Variants in TTLL11 observed in about 807,000 individuals in gnomAD.
TTLL11 encodes the protein tubulin polyglutamylase TTLL11.
TTLL11 carries 42 observed loss-of-function variants against 51.7 expected under a neutral mutation model. The observed-to-expected ratio is 0.81, with a 90% CI of 0.64 to 1.05. TTLL11 has a LOEUF of 1.05. TTLL11 is among the 50% of genes least tolerant of loss of function. The pLI is 0.00. For missense variants in TTLL11, 799 were observed against 940.4 expected (o/e 0.85, Z 1.97); for synonymous variants, 381 against 383.5 (o/e 0.99, Z 0.08).
At chr9:122,083,551 C>T (rs1303427645) in intron 1 of TTLL11, among the ~76,000 whole-genome samples, 2 of 152,200 alleles carry the variant, frequency 1.3e-5, no homozygotes, top group African/African-American at 4.8e-5. Flanking sequence ...GTGGCTCACA[C>T]CTGTAATTCC....
chr9:121,941,811 C>T (rs1045822761), intron 6 of TTLL11, among the ~76,000 whole-genome samples: 11 of 152,166 alleles, frequency 7.2e-5, no homozygotes, highest in African/African-American at 2.7e-4. Context: ...TGTTCCCTGC[C>T]TCTGCCCAGT....
At chr9:122,057,226 T>A (rs2131861679) in intron 1 of TTLL11, among the ~76,000 whole-genome samples, 1 of 151,458 alleles carries the variant, frequency 6.6e-6, no homozygotes. Flanking sequence ...CTCCTAAACC[T>A]CCAGTAAGAA....
At position 121,892,189 on chromosome 9, in the gene TTLL11, TATATATACATATATAC is replaced by T. The variant is rs139817730; in HGVS notation, c.1482-21457_1482-21442del. 1.4e-3 allele frequency among the ~76,000 whole-genome samples: 209 copies of T among 145,178 alleles called. 1 individual carries two copies. The highest frequency in any genetic ancestry group is 4.9e-3 in the African/African-American group (193 of 39,570). ...ACACAGATATATATATACACACACA[TATATATACATATATAC>T]ATATATACATATATATATATAATCT... On this transcript the variant is annotated intron_variant, in intron 6 of 8. Coordinates refer to ENST00000321582, the MANE Select transcript of TTLL11 (RefSeq NM_001139442.2).
intron 6 of TTLL11, among the ~76,000 whole-genome samples, chr9:121,915,426 AAGTT>A (rs1397478274): frequency 6.6e-6 from 1 of 152,154 alleles, no homozygotes; most frequent in African/African-American, 2.4e-5. Context: ...ACACCTCCCA[AAGTT>A]AGTTCCGCTT....
chr9:121,867,698 G>A (rs1838219863), intron 7 of TTLL11, among the ~76,000 whole-genome samples: 1 of 152,104 alleles, frequency 6.6e-6, no homozygotes, highest in Admixed American at 6.5e-5. Flanking sequence ...TCGGGAGCCT[G>A]CTTTGATTCC....
At chr9:122,036,673 G>A (rs904692983) in intron 2 of TTLL11, among the ~76,000 whole-genome samples, 36 of 152,034 alleles carry the variant, frequency 2.4e-4, no homozygotes, top group African/African-American at 7.5e-4. Context: ...CAAATAAAGC[G>A]TTTACACTTG....
At position 121,870,591 on chromosome 9, in the gene TTLL11, G is replaced by A. The variant is rs370296678; in HGVS notation, c.1639C>T (p.Arg547Cys). Residue 547 changes from arginine (R) to cysteine (C), a missense_variant, in exon 7 of 9, where the codon CGC becomes TGC. By Grantham distance (180) the Arg-to-Cys change is radical. Coordinates refer to ENST00000321582, the MANE Select transcript of TTLL11 (RefSeq NM_001139442.2). ...AAATTTGCCATCCTGTCCACCAGGCGCAGGTAGTTGAACTGTTTTGCGTAC... is the reference window on the plus strand; with the variant it reads ...AAATTTGCCATCCTGTCCACCAGGCACAGGTAGTTGAACTGTTTTGCGTAC... ...PKYAKQFNYL[R>C]LVDRMANLFI... is the part of the protein sequence containing the mutation. 56 of 1,551,588 alleles carry A rather than the reference G, an allele frequency of 3.6e-5. No homozygotes were observed. The African/African-American group carries it at 4.7e-4, about 13-fold the overall frequency.
At chr9:122,085,576 C>T (rs1846102260) in intron 1 of TTLL11, among the ~76,000 whole-genome samples, 1 of 152,118 alleles carries the variant, frequency 6.6e-6, no homozygotes, top group Admixed American at 6.5e-5. Flanking sequence ...CTGGTCACAC[C>T]TGCTCTGACT....
intron 6 of TTLL11, among the ~76,000 whole-genome samples, chr9:121,898,351 C>T (rs562931407): frequency 2.1e-4 from 32 of 152,358 alleles, no homozygotes; most frequent in African/African-American, 7.2e-4. Context: ...GGCCAGGAGG[C>T]ACTGCTGCTG....
intron 3 of TTLL11, among the ~76,000 whole-genome samples, chr9:121,991,513 T>C (rs913099468): frequency 6.6e-6 from 1 of 152,222 alleles, no homozygotes; most frequent in Non-Finnish European, 1.5e-5. Context: ...AATATAAGTG[T>C]GCTGGACAAA....
intron 4 of TTLL11, among the ~76,000 whole-genome samples, chr9:121,985,864 A>C (rs1019617601): frequency 6.6e-6 from 1 of 152,194 alleles, no homozygotes. Context: ...TCTGAAATGT[A>C]TGGTAAGACA....
chr9:122,061,624 TG>T (rs1055067403), intron 1 of TTLL11, among the ~76,000 whole-genome samples: 12 of 152,258 alleles, frequency 7.9e-5, no homozygotes, highest in African/African-American at 2.4e-4. Flanking sequence ...TAAGACTAAA[TG>T]TTTTTTTTTC....
chr9:121,831,361 C>A (rs1837001884), intron 8 of TTLL11, among the ~76,000 whole-genome samples: 1 of 152,160 alleles, frequency 6.6e-6, no homozygotes, highest in Non-Finnish European at 1.5e-5. Context: ...GCCAACTTGG[C>A]CATCTCTTGA....
chr9:122,035,550 G>T (rs1297765644), intron 2 of TTLL11, among the ~76,000 whole-genome samples: 1 of 152,186 alleles, frequency 6.6e-6, no homozygotes, highest in Non-Finnish European at 1.5e-5. Flanking sequence ...GCTATACTTG[G>T]AGCACTATTC....
intron 6 of TTLL11, among the ~76,000 whole-genome samples, chr9:121,921,556 G>A (rs1840545732): frequency 6.6e-6 from 1 of 152,172 alleles, no homozygotes; most frequent in African/African-American, 2.4e-5. Context: ...CACAGCTGTT[G>A]TGTAAATTAA....
chr9:121,838,785 C>CAAGCAAGCAAGA (rs1837262160), intron 8 of TTLL11, among the ~76,000 whole-genome samples: 1 of 132,402 alleles, frequency 7.6e-6, no homozygotes, highest in East Asian at 2.0e-4. Flanking sequence ...AGCAAGAAAG[C>CAAGCAAGCAAGA]AAGCAAGCAA....
intron 1 of TTLL11, among the ~76,000 whole-genome samples, chr9:122,082,066 G>C (rs1373209792): frequency 6.6e-6 from 1 of 152,220 alleles, no homozygotes; most frequent in Non-Finnish European, 1.5e-5. Context: ...TACAGTATTG[G>C]AGCAGATATG....
In TTLL11 at chr9:122,093,058, C is replaced by T. The variant is rs201124286; in HGVS notation, c.91G>A (p.Glu31Lys). ...TCCGCCACCGTCTCCGCTGTGGCCT[C>T]GGCCTCAGCTTTGGCCGCCGCTTTG... Reference protein sequence around the residue: ...AAKAAAKAEAEATAETVAEQV... With the variant: ...AAKAAAKAEAKATAETVAEQV... The change falls in exon 1 of 9, where the codon GAG becomes AAG. Residue 31 changes from glutamate to lysine, a missense_variant. This residue lies in a region of TTLL11 where 166 missense variants were observed against 161.6 expected (regional missense o/e 1.03). Coordinates refer to ENST00000321582, the MANE Select transcript of TTLL11 (RefSeq NM_001139442.2). 4.6e-5 allele frequency: 51 copies of T among 1,103,096 alleles called. 1 individual carries two copies. Among genetic ancestry groups the T allele is most frequent in the Admixed American group, 9.2e-5 (4 of 43,384 alleles). The allele number at this position is 1,103,096 out of a possible 1,614,324, so 68.3% of individuals were successfully genotyped here.
chr9:121,945,632 C>T (rs1458552468), intron 6 of TTLL11, among the ~76,000 whole-genome samples: 1 of 152,244 alleles, frequency 6.6e-6, no homozygotes, highest in Non-Finnish European at 1.5e-5. Flanking sequence ...CCCTCTGCTT[C>T]CTACACCACC....
Sources: gnomAD v4.1 joint callset for allele counts (sites outside exome capture counted in the v4.1 genomes callset) on GRCh38, gnomAD v4.1.1 for gene constraint, gnomAD v4.1.1 regional missense constraint, MANE v1.5 for transcripts, NCBI Gene and HGNC (gene_info 2026-07-23, HGNC 2026-07-21) for gene names.